Variants in AFG1L observed in about 807,000 individuals in gnomAD.
AFG1L encodes the protein AFG1 like ATPase.
In AFG1L, 53 loss-of-function variants were observed where a neutral mutation model predicts 62.2. That is an observed-to-expected ratio of 0.85 (90% CI 0.68 to 1.07). The LOEUF (loss-of-function observed/expected upper bound fraction) is 1.07, where lower values mean the gene tolerates loss of function less well. AFG1L is among the 50% of genes least tolerant of loss of function. The probability of loss-of-function intolerance (pLI) is 0.00; values close to 1 mark genes in which losing one functional copy is unlikely to be tolerated. For missense variants in AFG1L, 555 were observed against 590.5 expected (o/e 0.94, Z 0.62); for synonymous variants, 228 against 210.3 (o/e 1.08, Z -0.73).
At chr6:108,325,364 A>G (rs1425848358) in intron 2 of AFG1L, among the ~76,000 whole-genome samples, 2 of 150,880 alleles carry the variant, frequency 1.3e-5, no homozygotes, top group Non-Finnish European at 2.9e-5. Flanking sequence ...AGGGCACACC[A>G]TGGCACTCTA....
chr6:108,508,508 G>A (rs1774511091), intron 10 of AFG1L, among the ~76,000 whole-genome samples: 1 of 152,128 alleles, frequency 6.6e-6, no homozygotes, highest in Admixed American at 6.5e-5. Context: ...TGGGAGGAAG[G>A]GGCACTGTCA....
chr6:108,488,473 T>C (rs941610253), intron 10 of AFG1L, among the ~76,000 whole-genome samples: 1 of 152,092 alleles, frequency 6.6e-6, no homozygotes, highest in East Asian at 1.9e-4. Flanking sequence ...AGGCAGTAGC[T>C]GTTTGGTTTT....
intron 7 of AFG1L, among the ~76,000 whole-genome samples, chr6:108,425,527 C>T (rs937630143): frequency 1.3e-5 from 2 of 152,106 alleles, no homozygotes; most frequent in South Asian, 2.1e-4. Flanking sequence ...TGCCTGAGAT[C>T]ATCTTACCTA....
At chr6:108,311,715 T>G (rs72936738) in intron 1 of AFG1L, among the ~76,000 whole-genome samples, 7,181 of 152,186 alleles carry the variant, frequency 0.047, 273 homozygotes, top group South Asian at 0.19. Context: ...ACTGATTGTA[T>G]TTGCAGTTTC....
intron 6 of AFG1L, among the ~76,000 whole-genome samples, chr6:108,383,076 A>G (rs916247399): frequency 6.6e-6 from 1 of 152,158 alleles, no homozygotes; most frequent in African/African-American, 2.4e-5. Context: ...TGTCTCCACT[A>G]AAAATACAAA....
chr6:108,484,824 ACT>A (rs1471332594), intron 10 of AFG1L, among the ~76,000 whole-genome samples: 5 of 151,930 alleles, frequency 3.3e-5, no homozygotes, highest in African/African-American at 9.7e-5. Flanking sequence ...GAAAAAGTGA[ACT>A]CTCTGTAAGA....
intron 7 of AFG1L, among the ~76,000 whole-genome samples, chr6:108,428,366 G>C (rs373820924): frequency 3.9e-5 from 6 of 152,186 alleles, no homozygotes; most frequent in African/African-American, 1.4e-4. Context: ...TGGGCACTTA[G>C]ATTAGTTCTC....
At chr6:108,518,860 A>G (rs1235856257) in intron 11 of AFG1L, among the ~76,000 whole-genome samples, 1 of 152,250 alleles carries the variant, frequency 6.6e-6, no homozygotes, top group East Asian at 1.9e-4. Context: ...TAATTAGAAT[A>G]GCAATGCACT....
At chr6:108,491,973 CA>C (rs1773792925) in intron 10 of AFG1L, among the ~76,000 whole-genome samples, 1 of 152,114 alleles carries the variant, frequency 6.6e-6, no homozygotes, top group South Asian at 2.1e-4. Context: ...GCAAAACAAA[CA>C]AAAACAACAG....
At chr6:108,380,522 A>AG (rs1491559325) in intron 6 of AFG1L, among the ~76,000 whole-genome samples, 1 of 152,172 alleles carries the variant, frequency 6.6e-6, no homozygotes, top group Non-Finnish European at 1.5e-5. Context: ...GGCTTGTGAC[A>AG]GGGGAGAGCA....
chr6:108,305,081 G>A (rs997089863), intron 1 of AFG1L, among the ~76,000 whole-genome samples: 14 of 152,322 alleles, frequency 9.2e-5, no homozygotes, highest in Admixed American at 4.6e-4. Context: ...TTACATAAAT[G>A]TATGTAATTG....
chr6:108,318,663 T>A (rs1777696456), intron 1 of AFG1L, among the ~76,000 whole-genome samples: 2 of 152,334 alleles, frequency 1.3e-5, no homozygotes, highest in South Asian at 4.1e-4. Context: ...AGGATCTTCC[T>A]GAAACTTAGT....
At chr6:108,316,797 C>G (rs917064663) in intron 1 of AFG1L, among the ~76,000 whole-genome samples, 7 of 151,958 alleles carry the variant, frequency 4.6e-5, no homozygotes, top group Non-Finnish European at 7.4e-5. Flanking sequence ...CTCCCAAAGT[C>G]CTGGGATTAC....
At chr6:108,327,208 T>C (rs925332206) in intron 2 of AFG1L, among the ~76,000 whole-genome samples, 1 of 152,238 alleles carries the variant, frequency 6.6e-6, no homozygotes, top group Non-Finnish European at 1.5e-5. Flanking sequence ...GTGTTAACAC[T>C]ATTAGTTGAA....
At chr6:108,425,929 A>G (rs1304710202) in intron 7 of AFG1L, among the ~76,000 whole-genome samples, 1 of 152,192 alleles carries the variant, frequency 6.6e-6, no homozygotes, top group Non-Finnish European at 1.5e-5. Flanking sequence ...GACTATTGTT[A>G]AGAGTGACTA....
intron 2 of AFG1L, among the ~76,000 whole-genome samples, chr6:108,325,125 A>T (rs1777987872): frequency 6.6e-6 from 1 of 152,172 alleles, no homozygotes; most frequent in Non-Finnish European, 1.5e-5. Flanking sequence ...TGCAAGCAAG[A>T]AGCAGGCACT....
intron 10 of AFG1L, among the ~76,000 whole-genome samples, chr6:108,496,916 T>C (rs1230895169): frequency 6.6e-6 from 1 of 152,244 alleles, no homozygotes; most frequent in Non-Finnish European, 1.5e-5. Flanking sequence ...TGTTTCCATA[T>C]CATAAAATAT....
intron 6 of AFG1L, among the ~76,000 whole-genome samples, chr6:108,386,390 G>A (rs1780764296): frequency 1.3e-5 from 2 of 151,900 alleles, no homozygotes; most frequent in South Asian, 2.1e-4. Flanking sequence ...GAACTTGAGA[G>A]GCAGAGGTTG....
chr6:108,317,371 G>C (rs375793187), intron 1 of AFG1L, among the ~76,000 whole-genome samples: 3 of 152,072 alleles, frequency 2.0e-5, no homozygotes, highest in African/African-American at 7.2e-5. Flanking sequence ...TGATTGGTTG[G>C]GGATGAAATA....
Sources: gnomAD v4.1 joint callset for allele counts (sites outside exome capture counted in the v4.1 genomes callset) on GRCh38, gnomAD v4.1.1 for gene constraint, MANE v1.5 for transcripts, NCBI Gene and HGNC (gene_info 2026-07-23, HGNC 2026-07-21) for gene names.